Variants in IGSF21 observed in about 807,000 individuals in gnomAD.
IGSF21 encodes the protein immunoglobin superfamily member 21.
Under a neutral mutation model 46.8 loss-of-function variants are expected in IGSF21, and 28 were observed. The ratio of observed to expected loss-of-function variants is 0.60; its 90% CI spans 0.44 to 0.82. The LOEUF (loss-of-function observed/expected upper bound fraction) is 0.82. IGSF21 is among the 40% of genes least tolerant of loss of function. The pLI, the probability that IGSF21 is intolerant of heterozygous loss-of-function variation, is 0.00. For missense variants in IGSF21, 624 were observed against 665.5 expected, an observed-to-expected ratio of 0.94 and a Z score of 0.69; for synonymous variants, 284 against 273.6, an observed-to-expected ratio of 1.04 and a Z score of -0.38.
rs1341705611 is a variant in IGSF21, at chr1:18,334,194, T to C, written c.306-698T>C. 2.0e-5 allele frequency among the ~76,000 whole-genome samples: 3 copies of C among 152,170 alleles called. No homozygotes were observed. Among genetic ancestry groups the C allele is most frequent in the Non-Finnish European group, 4.4e-5 (3 of 68,032 alleles). The stretch of plus-strand genomic sequence containing the variant: ...CTCCCAACTACCTCAGAGGTGGAAG[T>C]GGCTGCTCCCCAACCTGAGCTCAGA... On this transcript the variant is annotated intron_variant, in intron 3 of 9. Transcript: ENST00000251296. This position sits in a 1 kb window ranked among gnomAD's most constrained non-coding sequence, Gnocchi z 4.3.
At chr1:18,258,520 G>A (rs1173040426) in intron 2 of IGSF21, among the ~76,000 whole-genome samples, 2 of 152,164 alleles carry the variant, frequency 1.3e-5, no homozygotes, top group East Asian at 1.9e-4. Context: ...TTTGTCATAA[G>A]TACACTGTTT....
intron 1 of IGSF21, among the ~76,000 whole-genome samples, chr1:18,176,781 G>C (rs2086803198): frequency 6.6e-6 from 1 of 152,150 alleles, no homozygotes; most frequent in Admixed American, 6.5e-5. Flanking sequence ...CAAGTCATTG[G>C]TAACCACAAA....
chr1:18,272,685 C>A (rs1034350765), intron 2 of IGSF21, among the ~76,000 whole-genome samples: 10 of 152,222 alleles, frequency 6.6e-5, no homozygotes, highest in Admixed American at 2.0e-4. Flanking sequence ...TTGAGTGTGT[C>A]CCCTCGGCTC....
intron 2 of IGSF21, among the ~76,000 whole-genome samples, chr1:18,273,462 C>CTT (rs1553159595): frequency 3.2e-5 from 2 of 61,956 alleles, no homozygotes; most frequent in Admixed American, 2.1e-4. Context: ...TTCTTTCTCT[C>CTT]TCTTTCTTTC....
intron 5 of IGSF21, among the ~76,000 whole-genome samples, chr1:18,364,865 TAGGCCG>T: frequency 6.6e-6 from 1 of 152,282 alleles, no homozygotes; most frequent in Non-Finnish European, 1.5e-5. Context: ...TGCCATGGTG[TAGGCCG>T]AAGTCCCCAT....
chr1:18,168,367 C>T (rs2124454768), intron 1 of IGSF21, among the ~76,000 whole-genome samples: 1 of 152,270 alleles, frequency 6.6e-6, no homozygotes, highest in South Asian at 2.1e-4. Flanking sequence ...GCACACTGAA[C>T]ACACACATTG....
At chr1:18,202,073 G>A (rs9729921) in intron 1 of IGSF21, among the ~76,000 whole-genome samples, 65,307 of 151,878 alleles carry the variant, frequency 0.43, 14,619 homozygotes, top group Middle Eastern at 0.51. Flanking sequence ...CTGCTTCCAC[G>A]CACCCTGCTG....
intron 4 of IGSF21, among the ~76,000 whole-genome samples, chr1:18,345,954 G>C (rs974257238): frequency 6.6e-6 from 1 of 152,152 alleles, no homozygotes; most frequent in Non-Finnish European, 1.5e-5. Flanking sequence ...CATTTCCCTA[G>C]ACCTCAGTGT....
intron 2 of IGSF21, among the ~76,000 whole-genome samples, chr1:18,251,122 G>A (rs1000229838): frequency 2.3e-4 from 35 of 152,132 alleles, no homozygotes; most frequent in African/African-American, 8.5e-4. Context: ...CTGTGTTCTT[G>A]GAAAATAGGC....
intron 2 of IGSF21, among the ~76,000 whole-genome samples, chr1:18,232,086 T>G (rs1336874319): frequency 6.6e-6 from 1 of 152,062 alleles, no homozygotes; most frequent in East Asian, 1.9e-4. Flanking sequence ...ATTAAAGCCC[T>G]GTCCAACTTG....
At chr1:18,357,456 A>T (rs1258497931) in intron 4 of IGSF21, among the ~76,000 whole-genome samples, 1 of 68,778 alleles carries the variant, frequency 1.5e-5, no homozygotes, top group Non-Finnish European at 3.1e-5. Flanking sequence ...GGGCATGGGG[A>T]TGGGAATGGA....
At chr1:18,317,105 G>A (rs559545895) in intron 3 of IGSF21, among the ~76,000 whole-genome samples, 7 of 152,298 alleles carry the variant, frequency 4.6e-5, no homozygotes, top group African/African-American at 1.7e-4. Flanking sequence ...ACCAGTGCCT[G>A]CCCCTCTAGG....
chr1:18,270,322 T>C (rs2085030491), intron 2 of IGSF21, among the ~76,000 whole-genome samples: 1 of 152,258 alleles, frequency 6.6e-6, no homozygotes, highest in Non-Finnish European at 1.5e-5. Context: ...CTCCATCCCT[T>C]ATAATGGTTT....
At chr1:18,169,592 CGAGT>C (rs2124456610) in intron 1 of IGSF21, among the ~76,000 whole-genome samples, 1 of 152,290 alleles carries the variant, frequency 6.6e-6, no homozygotes, top group Non-Finnish European at 1.5e-5. Flanking sequence ...GCCGAGTTAG[CGAGT>C]GTCTTTGCTG....
intron 2 of IGSF21, among the ~76,000 whole-genome samples, chr1:18,281,472 A>T (rs549729502): frequency 6.6e-6 from 1 of 152,008 alleles, no homozygotes; most frequent in Non-Finnish European, 1.5e-5. Context: ...AGGTTGAGGC[A>T]GGAGAATTGC....
At chr1:18,133,378 T>C (rs1195588123) in intron 1 of IGSF21, among the ~76,000 whole-genome samples, 1 of 152,238 alleles carries the variant, frequency 6.6e-6, no homozygotes, top group Non-Finnish European at 1.5e-5. Context: ...GCAGAGTGGC[T>C]GGGTCTGCAC....
chr1:18,214,257 C>T (rs1017674927), intron 1 of IGSF21, among the ~76,000 whole-genome samples: 5 of 152,090 alleles, frequency 3.3e-5, no homozygotes, highest in Admixed American at 6.6e-5. Flanking sequence ...CCCGGGAGGT[C>T]GGGGCAGGGG....
chr1:18,285,506 G>A (rs1031847761), intron 2 of IGSF21, among the ~76,000 whole-genome samples: 2 of 152,152 alleles, frequency 1.3e-5, no homozygotes, highest in Non-Finnish European at 2.9e-5. Flanking sequence ...GGCATTCAGG[G>A]CAGCAAAGAG....
intron 1 of IGSF21, among the ~76,000 whole-genome samples, chr1:18,201,608 C>T (rs2087075835): frequency 6.6e-6 from 1 of 152,118 alleles, no homozygotes; most frequent in Admixed American, 6.5e-5. Flanking sequence ...CAGGCATGGC[C>T]CCAGGATATC....
Sources: allele counts gnomAD v4.1 joint callset (sites outside exome capture counted in the v4.1 genomes callset), GRCh38; gene constraint gnomAD v4.1.1; non-coding constraint Gnocchi (gnomAD v3.1); transcripts MANE v1.5; gene names NCBI Gene and HGNC (gene_info 2026-07-23, HGNC 2026-07-21).